SEZ6L: variants seen among roughly 807,000 people sequenced by gnomAD.
The protein encoded by SEZ6L is seizure related 6 homolog like, also known as seizure 6-like protein.
A neutral mutation model predicts 106.2 loss-of-function variants in SEZ6L; 37 were observed. The observed-to-expected ratio is 0.35, with a 90% CI of 0.27 to 0.46. The LOEUF (loss-of-function observed/expected upper bound fraction) is 0.46, where lower values mean the gene tolerates loss of function less well. Ranked by LOEUF, SEZ6L falls within the 20% of genes least tolerant of loss-of-function variation. The pLI, the probability that SEZ6L is intolerant of heterozygous loss-of-function variation, is 1.00. For missense variants in SEZ6L, 1,172 were observed against 1,332.8 expected, an observed-to-expected ratio of 0.88 and a Z score of 1.88; for synonymous variants, 541 against 570.4, an observed-to-expected ratio of 0.95 and a Z score of 0.73.
chr22:26,297,003 G>A lies in SEZ6L; in HGVS notation c.1085G>A (p.Ser362Asn), dbSNP rs770059318. ...TLLVEGQVIR[S>N]PTNTISVYFR... Reference sequence around the variant, plus strand: ...CTGGTGGAGGGGCAGGTAATCCGAAGCCCCACCAACACCATCTCCGTCTAC... The same window carrying A: ...CTGGTGGAGGGGCAGGTAATCCGAAACCCCACCAACACCATCTCCGTCTAC... The change falls in exon 4 of 17, where the codon AGC (serine) becomes AAC (asparagine). Residue 362 changes from serine to asparagine, a missense_variant. Ser to Asn is a conservative substitution (Grantham distance 46). This residue lies in a region of SEZ6L where 534 missense variants were observed against 691.0 expected (regional missense o/e 0.77). Transcript: ENST00000248933. The A allele has an allele frequency of 1.9e-6, 3 of 1,613,972 alleles. No individual in the cohort carries two copies. Among genetic ancestry groups the A allele is most frequent in the South Asian group, 1.1e-5 (1 of 91,056 alleles).
rs183435085 is a variant in SEZ6L, at chr22:26,323,674, T to G, written c.2015+9772T>G. Among the ~76,000 whole-genome samples the G allele has an allele frequency of 1.8e-3, 271 of 152,158 alleles. 4 individuals carry two copies. Among genetic ancestry groups the G allele is most frequent in the Non-Finnish European group, 1.5e-3 (100 of 68,002 alleles). On this transcript the variant is annotated intron_variant, in intron 9 of 16. Coordinates refer to ENST00000248933, the MANE Select transcript of SEZ6L (RefSeq NM_021115.5). ...GTAAAAATTAAAATAACAGATAACATAAGGTTTCTGACACAAGATAGGCAG... is the reference window on the plus strand; with the variant it reads ...GTAAAAATTAAAATAACAGATAACAGAAGGTTTCTGACACAAGATAGGCAG...
chr22:26,318,337 G>A lies in SEZ6L; in HGVS notation c.2015+4435G>A, dbSNP rs142558497. On this transcript the variant is annotated intron_variant, in intron 9 of 16. Coordinates refer to ENST00000248933, the MANE Select transcript of SEZ6L (RefSeq NM_021115.5). The stretch of plus-strand genomic sequence containing the variant: ...GATCTGCCTGCCTCAGCCTCCCAAA[G>A]TGGTGGGATTACAGGTGTGAGCCAC... Among the ~76,000 whole-genome samples, 5 of 151,838 alleles carry A rather than the reference G, an allele frequency of 3.3e-5. No homozygotes were observed. The South Asian group carries it at 6.2e-4, about 19-fold the overall frequency.
intron 1 of SEZ6L, among the ~76,000 whole-genome samples, chr22:26,199,764 C>T (rs919437063): frequency 2.6e-5 from 4 of 152,154 alleles, no homozygotes. Context: ...CCTCTTTCAG[C>T]ATGACAAGAC....
intron 1 of SEZ6L, among the ~76,000 whole-genome samples, chr22:26,260,253 C>A (rs1431531053): frequency 6.6e-6 from 1 of 152,162 alleles, no homozygotes; most frequent in Non-Finnish European, 1.5e-5. Flanking sequence ...GCAGTATTCA[C>A]TGAACACAAT....
intron 2 of SEZ6L, 89 bp from the exon 3 acceptor site, chr22:26,294,203 C>A: frequency 7.7e-7 from 1 of 1,300,988 alleles, no homozygotes; most frequent in Non-Finnish European, 1.1e-6. Flanking sequence ...AATGCAGGTT[C>A]CCCTAAAGCC....
In SEZ6L at chr22:26,210,622, T is replaced by TA. The variant is rs199965350; in HGVS notation, c.94+40860dup. 3.2e-3 allele frequency among the ~76,000 whole-genome samples: 495 copies of TA among 152,310 alleles called. 12 individuals are homozygous for TA. The South Asian group carries it at 0.063, about 19-fold the overall frequency. ...GAGAGTGAGTGCGCGGACATTCATA[T>TA]ACCAGCCTGGCAGCCCCGTGCACAT... On this transcript the variant is annotated intron_variant, in intron 1 of 16. Coordinates refer to ENST00000248933, the MANE Select transcript of SEZ6L (RefSeq NM_021115.5).
At chr22:26,174,231 G>A (rs941919829) in intron 1 of SEZ6L, among the ~76,000 whole-genome samples, 3 of 152,128 alleles carry the variant, frequency 2.0e-5, no homozygotes, top group Admixed American at 6.6e-5. Flanking sequence ...CCTGGAGCAC[G>A]TAGCATTTGA....
intron 12 of SEZ6L, among the ~76,000 whole-genome samples, chr22:26,352,160 CA>C (rs3071657): frequency 2.2e-3 from 261 of 121,144 alleles, no homozygotes; most frequent in Middle Eastern, 4.4e-3. Context: ...GACCCTGCCT[CA>C]AAAAAAAAAA....
chr22:26,324,085 CACACACACACACACACAA>C (rs1398042575), intron 9 of SEZ6L, among the ~76,000 whole-genome samples: 14 of 151,222 alleles, frequency 9.3e-5, no homozygotes, highest in Admixed American at 3.3e-4. Context: ...CACACACACA[CACACACACACACACACAA>C]ACACACACAC....
chr22:26,311,742 C>G, intron 7 of SEZ6L, 26 bp from the exon 8 acceptor site: 2 of 1,603,302 alleles, frequency 1.2e-6, no homozygotes, highest in Non-Finnish European at 1.7e-6. Context: ...ATCATCTGAA[C>G]TGCTGCCTCT....
At chr22:26,288,510 C>A (rs1045361227) in intron 1 of SEZ6L, among the ~76,000 whole-genome samples, 2 of 152,114 alleles carry the variant, frequency 1.3e-5, no homozygotes, top group African/African-American at 4.8e-5. Flanking sequence ...CATCAATACC[C>A]CATATTTCTT....
At chr22:26,239,716 G>A (rs954532724) in intron 1 of SEZ6L, among the ~76,000 whole-genome samples, 1 of 152,102 alleles carries the variant, frequency 6.6e-6, no homozygotes, top group African/African-American at 2.4e-5. Flanking sequence ...TATCAGCATG[G>A]AACAGCTGTG....
intron 1 of SEZ6L, among the ~76,000 whole-genome samples, chr22:26,196,971 A>G (rs1940621968): frequency 6.6e-6 from 1 of 152,110 alleles, no homozygotes; most frequent in South Asian, 2.1e-4. Context: ...TGAATGGAAA[A>G]TCCCTATTGT....
intron 1 of SEZ6L, among the ~76,000 whole-genome samples, chr22:26,199,717 C>T (rs1940804605): frequency 6.6e-6 from 1 of 152,158 alleles, no homozygotes; most frequent in Admixed American, 6.5e-5. Context: ...GGTGAATTCC[C>T]TTCTCCTAAG....
At chr22:26,343,722 G>A (rs919517265) in intron 10 of SEZ6L, among the ~76,000 whole-genome samples, 2 of 152,172 alleles carry the variant, frequency 1.3e-5, no homozygotes, top group African/African-American at 4.8e-5. Flanking sequence ...GGCAGAAAAA[G>A]GATTGCAGAG....
chr22:26,374,910 C>T (rs595042), intron 14 of SEZ6L, among the ~76,000 whole-genome samples: 25,293 of 152,128 alleles, frequency 0.17, 2,320 homozygotes, highest in Non-Finnish European at 0.21. Context: ...GGAATCAAAA[C>T]GGGCCTTCAT....
At chr22:26,330,947 A>G (rs778192801) in intron 9 of SEZ6L, among the ~76,000 whole-genome samples, 3 of 152,258 alleles carry the variant, frequency 2.0e-5, no homozygotes, top group Admixed American at 2.0e-4. Context: ...TGAGGCTCGA[A>G]AAAGCCTTTT....
At chr22:26,213,376 C>T (rs1464118833) in intron 1 of SEZ6L, among the ~76,000 whole-genome samples, 4 of 152,168 alleles carry the variant, frequency 2.6e-5, no homozygotes, top group African/African-American at 7.2e-5. Flanking sequence ...ATTCGCTTTC[C>T]GACGTGCAGA....
intron 1 of SEZ6L, among the ~76,000 whole-genome samples, chr22:26,253,021 G>A (rs947350843): frequency 1.4e-4 from 21 of 152,156 alleles, no homozygotes; most frequent in Admixed American, 5.2e-4. Flanking sequence ...GACAGTCTTC[G>A]GGGCCTACCT....
Sources: gnomAD v4.1 joint callset for allele counts (sites outside exome capture counted in the v4.1 genomes callset) on GRCh38, gnomAD v4.1.1 for gene constraint, gnomAD v4.1.1 regional missense constraint, MANE v1.5 for transcripts, NCBI Gene and HGNC (gene_info 2026-07-23, HGNC 2026-07-21) for gene names.